The following VMP1 variants were observed in gnomAD, a reference collection of about 807,000 sequenced individuals.
VMP1 encodes vacuole membrane protein 1, also known as ectopic P-granules autophagy protein 3 homolog.
A neutral mutation model predicts 56.0 loss-of-function variants in VMP1; 11 were observed. The ratio of observed to expected loss-of-function variants is 0.20; its 90% confidence interval spans 0.12 to 0.32. The LOEUF (loss-of-function observed/expected upper bound fraction) is 0.32, where lower values mean the gene tolerates loss of function less well. Ranked by LOEUF, VMP1 falls within the 10% of genes least tolerant of loss-of-function variation. The pLI is 1.00. For synonymous variants in VMP1, 149 were observed against 165.0 expected (o/e 0.90, Z 0.74); for missense variants, 296 against 490.3 (o/e 0.60, Z 3.74).
chr17:59,727,438 T>G lies in VMP1; in HGVS notation c.-26-3983T>G, dbSNP rs148461594. ...CGTGAGCCATCATGCCTGGCCCTGTTAGACTCTTAAGACCTGACTAAAACA... is the reference window on the plus strand; with the variant it reads ...CGTGAGCCATCATGCCTGGCCCTGTGAGACTCTTAAGACCTGACTAAAACA... On this transcript the variant is annotated intron_variant, in intron 1 of 11. Coordinates refer to ENST00000262291, the MANE Select transcript of VMP1 (RefSeq NM_030938.5). Among the ~76,000 whole-genome samples the G allele has an allele frequency of 2.1e-3, 327 of 152,280 alleles. 3 individuals carry two copies. The highest frequency in any genetic ancestry group is 7.5e-3 in the African/African-American group (311 of 41,568).
At chr17:59,725,013 C>A (rs2034548929) in intron 1 of VMP1, among the ~76,000 whole-genome samples, 1 of 150,618 alleles carries the variant, frequency 6.6e-6, no homozygotes, top group Admixed American at 6.6e-5. Context: ...AAAAATTAGC[C>A]AGGTGTGGTA....
intron 1 of VMP1, among the ~76,000 whole-genome samples, chr17:59,728,310 A>G (rs1367757008): frequency 6.6e-6 from 1 of 152,224 alleles, no homozygotes; most frequent in Non-Finnish European, 1.5e-5. Context: ...ATATAAATCT[A>G]GCATGACTCT....
At chr17:59,759,478 T>C (rs2143955261) in intron 5 of VMP1, among the ~76,000 whole-genome samples, 1 of 152,384 alleles carries the variant, frequency 6.6e-6, no homozygotes, top group African/African-American at 2.4e-5. Flanking sequence ...TTATTGGTTG[T>C]ATACACATTT....
intron 7 of VMP1, among the ~76,000 whole-genome samples, chr17:59,777,577 C>T (rs546236358): frequency 1.3e-5 from 2 of 151,722 alleles, no homozygotes; most frequent in Non-Finnish European, 2.9e-5. Flanking sequence ...TTTGGGAGGC[C>T]GAGGTGGGTG....
chr17:59,820,396 C>T (rs763885312), intron 10 of VMP1, among the ~76,000 whole-genome samples: 2 of 152,170 alleles, frequency 1.3e-5, no homozygotes, highest in African/African-American at 4.8e-5. Flanking sequence ...TCTTCCTCCT[C>T]TACTCACTGC....
At chr17:59,791,993 C>T (rs1050267395) in intron 7 of VMP1, among the ~76,000 whole-genome samples, 2 of 151,966 alleles carry the variant, frequency 1.3e-5, no homozygotes, top group Admixed American at 6.6e-5. Flanking sequence ...TTCTATTGGC[C>T]GGGTGCCATG....
At chr17:59,821,502 C>G (rs935907339) in intron 10 of VMP1, among the ~76,000 whole-genome samples, 5 of 150,568 alleles carry the variant, frequency 3.3e-5, no homozygotes, top group Non-Finnish European at 7.4e-5. Context: ...TTATCATTTT[C>G]CTAGCACTGT....
At chr17:59,750,588 C>T (rs2035602303) in intron 5 of VMP1, among the ~76,000 whole-genome samples, 1 of 152,132 alleles carries the variant, frequency 6.6e-6, no homozygotes, top group South Asian at 2.1e-4. Flanking sequence ...AGGCATGAGC[C>T]ACCACGCCCA....
At chr17:59,736,130 A>G (rs1039114553) in intron 3 of VMP1, among the ~76,000 whole-genome samples, 3 of 152,166 alleles carry the variant, frequency 2.0e-5, no homozygotes, top group Non-Finnish European at 4.4e-5. Flanking sequence ...TAAACATTTT[A>G]GGCCAGGCGT....
At chr17:59,804,975 A>G (rs951031263) in intron 7 of VMP1, among the ~76,000 whole-genome samples, 4 of 152,222 alleles carry the variant, frequency 2.6e-5, no homozygotes, top group Non-Finnish European at 5.9e-5. Context: ...TAGCATGGTC[A>G]CTGTGTATGT....
At chr17:59,838,260 G>A in intron 10 of VMP1, 35 bp from the exon 11 acceptor site, 2 of 1,575,144 alleles carry the variant, frequency 1.3e-6, no homozygotes, top group African/African-American at 2.7e-5. Context: ...TCCCAAATGT[G>A]TCTTTTTCTT....
Position 59,747,413 on chromosome 17 carries a change from C to CTT in VMP1, c.414+8479_414+8480dup, listed in dbSNP as rs201448260. 6.4e-3 allele frequency among the ~76,000 whole-genome samples: 878 copies of CTT among 137,146 alleles called. 9 individuals are homozygous for CTT. The highest frequency in any genetic ancestry group is 0.02 in the African/African-American group (750 of 37,250). 90.0% of individuals were successfully genotyped at this position (137,146 alleles called of 152,430 possible). The stretch of plus-strand genomic sequence containing the variant: ...GGTTTTTTTCTTTCTTTCTTTCTTT[C>CTT]TTTTTTTTTTTTTTGAGATGGAATC... On this transcript the variant is annotated intron_variant, in intron 5 of 11. Transcript: ENST00000262291.
chr17:59,745,436 G>T (rs556733026), intron 5 of VMP1, among the ~76,000 whole-genome samples: 39 of 152,256 alleles, frequency 2.6e-4, no homozygotes, highest in African/African-American at 8.4e-4. Context: ...AGTAAAATAA[G>T]AAACCAGAAG....
intron 10 of VMP1, among the ~76,000 whole-genome samples, chr17:59,821,225 C>T (rs1376235963): frequency 6.6e-6 from 1 of 152,048 alleles, no homozygotes; most frequent in Non-Finnish European, 1.5e-5. Context: ...CTGCCTAAGC[C>T]TCCCAAAGTG....
rs1408247576 is a variant in VMP1 at position 59,724,225 on chromosome 17, AAG to A, written c.-26-7194_-26-7193del. ...AGACCCTGTCTCAAAAAAAAAAAAA[AAG>A]AAAGAAAAGAAAAAGAAAAAAGAAA... On this transcript the variant is annotated intron_variant, in intron 1 of 11. Transcript: ENST00000262291. 5.4e-3 allele frequency among the ~76,000 whole-genome samples: 636 copies of A among 118,628 alleles called. 5 individuals carry two copies. The highest frequency in any genetic ancestry group is 0.017 in the African/African-American group (496 of 29,414). The allele number at this position is 118,628 out of a possible 152,430, so 77.8% of individuals were successfully genotyped here.
intron 7 of VMP1, among the ~76,000 whole-genome samples, chr17:59,808,268 C>T (rs769889240): frequency 2.0e-5 from 3 of 152,174 alleles, no homozygotes; most frequent in South Asian, 2.1e-4. Flanking sequence ...ATACCAGAAT[C>T]GAAGGCTCAA....
chr17:59,733,134 T>G (rs946959459), intron 2 of VMP1, among the ~76,000 whole-genome samples: 2 of 152,030 alleles, frequency 1.3e-5, no homozygotes, highest in Non-Finnish European at 2.9e-5. Flanking sequence ...TGCAGTGAGC[T>G]GCGATCACAC....
In VMP1 at chr17:59,816,661, C is replaced by T. The variant is rs189080676; in HGVS notation, c.913-1051C>T. 7.9e-4 allele frequency among the ~76,000 whole-genome samples: 120 copies of T among 151,336 alleles called. 1 individual carries two copies. Among genetic ancestry groups the T allele is most frequent in the Admixed American group, 1.3e-3 (20 of 15,202 alleles). On this transcript the variant is annotated intron_variant, in intron 9 of 11. Coordinates refer to ENST00000262291, the MANE Select transcript of VMP1 (RefSeq NM_030938.5). ...TCTACTAAAAATACAAAAAATTAGC[C>T]GGGCATGGTGGCGGGCGCCTGTAGT...
intron 1 of VMP1, among the ~76,000 whole-genome samples, chr17:59,729,202 A>T (rs1161760311): frequency 6.6e-6 from 1 of 152,180 alleles, no homozygotes; most frequent in East Asian, 1.9e-4. Flanking sequence ...TTTGGGTTAT[A>T]GGCTGGGCGC....
Sources: gnomAD v4.1 joint callset for allele counts (sites outside exome capture counted in the v4.1 genomes callset) on GRCh38, gnomAD v4.1.1 for gene constraint, MANE v1.5 for transcripts, NCBI Gene and HGNC (gene_info 2026-07-23, HGNC 2026-07-21) for gene names.